The following MYT1L variants were observed in gnomAD, a reference collection of about 807,000 sequenced individuals.
The protein encoded by MYT1L is myelin transcription factor 1-like protein.
A neutral mutation model predicts 126.7 loss-of-function variants in MYT1L; 12 were observed. The ratio of observed to expected loss-of-function variants is 0.09; its 90% confidence interval spans 0.06 to 0.15. The LOEUF (loss-of-function observed/expected upper bound fraction) is 0.15. Ranked by LOEUF, MYT1L falls within the 10% of genes least tolerant of loss-of-function variation. The probability of loss-of-function intolerance (pLI) is 1.00; values close to 1 mark genes in which losing one functional copy is unlikely to be tolerated. For synonymous variants in MYT1L, 541 were observed against 604.2 expected (o/e 0.90, Z 1.53); for missense variants, 979 against 1,585.2 (o/e 0.62, Z 6.49).
At chr2:2,275,694 C>T (rs959384853) in intron 2 of MYT1L, among the ~76,000 whole-genome samples, 2 of 152,114 alleles carry the variant, frequency 1.3e-5, no homozygotes, top group Non-Finnish European at 2.9e-5. Flanking sequence ...CAATATGTAC[C>T]GTGAAAACTT....
intron 2 of MYT1L, among the ~76,000 whole-genome samples, chr2:2,227,366 G>A (rs77901370): frequency 0.011 from 1,736 of 152,222 alleles, 53 homozygotes; most frequent in African/African-American, 0.041. Flanking sequence ...TATCTAATTG[G>A]CATCTCAAGC....
At chr2:2,014,541 C>A (rs940046672) in intron 4 of MYT1L, among the ~76,000 whole-genome samples, 1 of 152,172 alleles carries the variant, frequency 6.6e-6, no homozygotes, top group East Asian at 1.9e-4. Flanking sequence ...CCTTCCTCTG[C>A]AGCAGGGAGC....
chr2:2,108,926 G>A (rs757225080), intron 3 of MYT1L, among the ~76,000 whole-genome samples: 9 of 152,180 alleles, frequency 5.9e-5, no homozygotes, highest in Non-Finnish European at 1.0e-4. Flanking sequence ...TGCCTGTGTT[G>A]TCTGGCTGTG....
At chr2:2,002,207 T>C (rs145401127) in intron 4 of MYT1L, among the ~76,000 whole-genome samples, 1 of 152,196 alleles carries the variant, frequency 6.6e-6, no homozygotes, top group East Asian at 1.9e-4. Flanking sequence ...CGGTGTAACT[T>C]AGCTGGGGTA....
chr2:1,899,464 G>C (rs1413496972), intron 14 of MYT1L, among the ~76,000 whole-genome samples: 1 of 152,236 alleles, frequency 6.6e-6, no homozygotes, highest in Admixed American at 6.5e-5. Flanking sequence ...GTTCCCGGGA[G>C]AGGGCAGGGC....
intron 23 of MYT1L, among the ~76,000 whole-genome samples, chr2:1,797,582 C>CA (rs1239172524): frequency 6.6e-6 from 1 of 152,198 alleles, no homozygotes; most frequent in Non-Finnish European, 1.5e-5. Flanking sequence ...CTCTTCTTTT[C>CA]AAGCTGCCAA....
At position 2,069,919 on chromosome 2, in the gene MYT1L, G is replaced by A. The variant is rs551834437; in HGVS notation, c.-303-15796C>T. Among the ~76,000 whole-genome samples, 5 of 146,746 alleles carry A rather than the reference G, an allele frequency of 3.4e-5. No homozygotes were observed. In the East Asian group the frequency reaches 6.7e-4, roughly 20 times the overall value. ...CCTTCGCCCACTTTTTGATGGGGTT[G>A]TTTTTTCTTGTAAAATTTTTTTAAG... On this transcript the variant is annotated intron_variant, in intron 3 of 24. Transcript: ENST00000647738.
intron 2 of MYT1L, among the ~76,000 whole-genome samples, chr2:2,210,207 A>T (rs2093455691): frequency 6.6e-6 from 1 of 151,986 alleles, no homozygotes; most frequent in Non-Finnish European, 1.5e-5. Flanking sequence ...CTTGTCAGAT[A>T]GGTTGACTTT....
chr2:2,255,824 C>T lies in MYT1L; in HGVS notation c.-421+28580G>A, dbSNP rs116648581. ...AGTCCCGCTGCTTTCTGCCCCATCA[C>T]GGATATTGTCTTTCATCTGGGATAA... is the stretch of plus-strand genomic sequence containing the variant. On this transcript the variant is annotated intron_variant, in intron 2 of 24. Transcript: ENST00000647738. Among the ~76,000 whole-genome samples the T allele has an allele frequency of 7.2e-3, 1,092 of 152,218 alleles. 15 individuals are homozygous for T. Among genetic ancestry groups the T allele is most frequent in the African/African-American group, 0.025 (1,047 of 41,530 alleles).
intron 18 of MYT1L, among the ~76,000 whole-genome samples, chr2:1,853,089 A>G (rs1457336729): frequency 6.6e-6 from 1 of 152,216 alleles, no homozygotes; most frequent in Non-Finnish European, 1.5e-5. Flanking sequence ...ACTCTCCTTT[A>G]GTCCTAAGAA....
At chr2:2,009,908 T>G (rs1205249369) in intron 4 of MYT1L, among the ~76,000 whole-genome samples, 1 of 150,208 alleles carries the variant, frequency 6.7e-6, no homozygotes, top group East Asian at 1.9e-4. Flanking sequence ...GTTTTTTTTT[T>G]TTTTTTTTTT....
intron 2 of MYT1L, among the ~76,000 whole-genome samples, chr2:2,215,876 G>A (rs2093660860): frequency 6.6e-6 from 1 of 152,198 alleles, no homozygotes; most frequent in Non-Finnish European, 1.5e-5. Flanking sequence ...CAGTGTTGGA[G>A]GTGGAACCTG....
At chr2:2,124,853 C>T (rs2081485932) in intron 3 of MYT1L, among the ~76,000 whole-genome samples, 1 of 152,192 alleles carries the variant, frequency 6.6e-6, no homozygotes. Flanking sequence ...ACAGGTGGGG[C>T]TGCCTAGAAG....
chr2:2,145,480 CATG>C (rs1005518352), intron 3 of MYT1L, among the ~76,000 whole-genome samples: 6 of 152,038 alleles, frequency 3.9e-5, no homozygotes, highest in African/African-American at 1.4e-4. Context: ...CTTGCCACAC[CATG>C]ATATCATGGT....
intron 2 of MYT1L, among the ~76,000 whole-genome samples, chr2:2,196,066 G>A (rs1559302822): frequency 6.6e-6 from 1 of 151,970 alleles, no homozygotes; most frequent in Non-Finnish European, 1.5e-5. Flanking sequence ...TTCAAGGGGG[G>A]ATAAATACAA....
intron 19 of MYT1L, among the ~76,000 whole-genome samples, chr2:1,845,060 C>A (rs549403951): frequency 2.6e-5 from 4 of 151,974 alleles, no homozygotes; most frequent in South Asian, 2.1e-4. Context: ...CTCGCTGAAG[C>A]CTCCGCCTCC....
At chr2:2,128,076 T>C (rs2081937546) in intron 3 of MYT1L, among the ~76,000 whole-genome samples, 1 of 152,220 alleles carries the variant, frequency 6.6e-6, no homozygotes, top group Admixed American at 6.5e-5. Flanking sequence ...AACTGTCCTT[T>C]CCTGACGTTA....
intron 4 of MYT1L, among the ~76,000 whole-genome samples, chr2:2,030,473 G>A: frequency 6.6e-6 from 1 of 152,092 alleles, no homozygotes. Flanking sequence ...CATTTGTTAT[G>A]TGTATACTCT....
intron 2 of MYT1L, among the ~76,000 whole-genome samples, chr2:2,243,370 A>C (rs1472950325): frequency 6.6e-6 from 1 of 152,234 alleles, no homozygotes; most frequent in Admixed American, 6.5e-5. Context: ...ATACAAACTT[A>C]TCTCTCAAGG....
Sources: allele counts gnomAD v4.1 joint callset (sites outside exome capture counted in the v4.1 genomes callset), GRCh38; gene constraint gnomAD v4.1.1; transcripts MANE v1.5; gene names NCBI Gene and HGNC (gene_info 2026-07-23, HGNC 2026-07-21).